EIF4G3: variants seen among roughly 807,000 people sequenced by gnomAD.
The protein encoded by EIF4G3 is eIF-4-gamma 3.
Under a neutral mutation model 186.4 loss-of-function variants are expected in EIF4G3, and 34 were observed. That is an observed-to-expected ratio of 0.18 (90% CI 0.14 to 0.24). The LOEUF (loss-of-function observed/expected upper bound fraction) is 0.24, where lower values mean the gene tolerates loss of function less well. Among genes scored for constraint, EIF4G3 ranks in the 10% least tolerant of loss-of-function variants. EIF4G3 has a pLI of 1.00. For missense variants in EIF4G3, 1,536 were observed against 1,948.5 expected, an observed-to-expected ratio of 0.79 and a Z score of 3.99; for synonymous variants, 673 against 679.5, an observed-to-expected ratio of 0.99 and a Z score of 0.15.
At position 21,170,003 on chromosome 1, in the gene EIF4G3, C is replaced by T. The variant is rs1011296982; in HGVS notation, c.-272+6172G>A. Among the ~76,000 whole-genome samples, 32 of 152,032 alleles carry T rather than the reference C, an allele frequency of 2.1e-4. 1 individual carries two copies. The highest frequency in any genetic ancestry group is 9.2e-4 in the Admixed American group (14 of 15,248). On this transcript the variant is annotated intron_variant, in intron 2 of 36. Transcript: ENST00000602326. The stretch of plus-strand genomic sequence containing the variant: ...CATCTTGACCAACATGGTGAAACCC[C>T]GCCTCTACTAAAAATACAAAAATTA...
intron 14 of EIF4G3, among the ~76,000 whole-genome samples, chr1:20,939,515 G>T (rs536705502): frequency 1.3e-5 from 2 of 152,154 alleles, no homozygotes; most frequent in South Asian, 4.1e-4. Flanking sequence ...GCAATATCAG[G>T]TCATCTAAGT....
At chr1:20,868,894 C>T (rs2078319197) in intron 20 of EIF4G3, among the ~76,000 whole-genome samples, 1 of 152,174 alleles carries the variant, frequency 6.6e-6, no homozygotes, top group African/African-American at 2.4e-5. Context: ...ACATACAGGT[C>T]ACTCAGCAAT....
chr1:21,131,964 T>C (rs529324990), intron 2 of EIF4G3, among the ~76,000 whole-genome samples: 1 of 151,526 alleles, frequency 6.6e-6, no homozygotes, highest in African/African-American at 2.4e-5. Context: ...AGTGAGACAC[T>C]GTCTCAAAAA....
At chr1:21,146,837 TC>T (rs1383661572) in intron 2 of EIF4G3, among the ~76,000 whole-genome samples, 1 of 152,126 alleles carries the variant, frequency 6.6e-6, no homozygotes, top group Non-Finnish European at 1.5e-5. Context: ...AAATTAATAG[TC>T]ACAAGGAGCT....
At chr1:21,114,228 C>A (rs377012079) in intron 2 of EIF4G3, among the ~76,000 whole-genome samples, 2 of 151,814 alleles carry the variant, frequency 1.3e-5, no homozygotes, top group Non-Finnish European at 2.9e-5. Flanking sequence ...CTCACTGAAA[C>A]CTCCGCCTCC....
At chr1:21,020,267 T>G (rs1351768386) in intron 4 of EIF4G3, among the ~76,000 whole-genome samples, 2 of 152,128 alleles carry the variant, frequency 1.3e-5, no homozygotes, top group African/African-American at 4.8e-5. Context: ...GTGAGAAGAT[T>G]GCTTGAGCTT....
At chr1:21,159,058 T>A in intron 2 of EIF4G3, among the ~76,000 whole-genome samples, 1 of 151,998 alleles carries the variant, frequency 6.6e-6, no homozygotes, top group East Asian at 1.9e-4. Context: ...TAAGAAGGAA[T>A]CCTTTCTAAC....
chr1:20,928,458 A>G (rs2095079929), intron 14 of EIF4G3, among the ~76,000 whole-genome samples: 1 of 152,108 alleles, frequency 6.6e-6, no homozygotes, highest in Non-Finnish European at 1.5e-5. Context: ...GCTGGAGTGC[A>G]GTGGTGTGAT....
At chr1:20,917,985 G>C (rs2094085610) in intron 14 of EIF4G3, among the ~76,000 whole-genome samples, 1 of 152,128 alleles carries the variant, frequency 6.6e-6, no homozygotes, top group Non-Finnish European at 1.5e-5. Flanking sequence ...CATCTAAGTA[G>C]TGGGATTCCA....
At chr1:20,970,422 G>C (rs2075624913) in intron 11 of EIF4G3, among the ~76,000 whole-genome samples, 1 of 150,778 alleles carries the variant, frequency 6.6e-6, no homozygotes, top group Admixed American at 6.6e-5. Context: ...GACCAGCCTG[G>C]CTAACACGAT....
intron 26 of EIF4G3, among the ~76,000 whole-genome samples, chr1:20,854,712 T>C (rs11811292): frequency 6.8e-6 from 1 of 147,958 alleles, no homozygotes; most frequent in Admixed American, 6.8e-5. Context: ...CTCAAAAATA[T>C]ATAAATAAAT....
At chr1:20,847,213 G>A (rs1000386480) in intron 29 of EIF4G3, among the ~76,000 whole-genome samples, 2 of 152,152 alleles carry the variant, frequency 1.3e-5, no homozygotes, top group African/African-American at 4.8e-5. Context: ...AGAATGTTAC[G>A]AGGACAATAC....
intron 12 of EIF4G3, among the ~76,000 whole-genome samples, chr1:20,959,218 C>A (rs1431406993): frequency 2.0e-5 from 3 of 151,964 alleles, no homozygotes; most frequent in Non-Finnish European, 4.4e-5. Flanking sequence ...GAATACAGAA[C>A]CCAGAAGTAA....
chr1:21,148,744 C>T (rs1573349912), intron 2 of EIF4G3, among the ~76,000 whole-genome samples: 1 of 150,882 alleles, frequency 6.6e-6, no homozygotes, highest in East Asian at 1.9e-4. Context: ...TCTGTAATCC[C>T]TGCAACTCGA....
Position 20,886,278 on chromosome 1 carries a change from T to G in EIF4G3, c.2347A>C (p.Lys783Gln), listed in dbSNP as rs2084114314. Residue 783 changes from lysine to glutamine, a missense_variant, in exon 19 of 37, where the codon AAA (lysine) becomes CAA (glutamine). By Grantham distance (53) the Lys-to-Gln change is moderately conservative. Around this residue, in one of 11 missense-constraint regions of EIF4G3, gnomAD observed 139 missense variants for 192.8 expected, o/e 0.72. Transcript: ENST00000602326. ...TVSVKEDVHL[K>Q]KAENAWKPSQ... ...GGCTTCCAGGCATTTTCTGCCTTTT[T>G]CAGGTGTACATCTTCTTTTACAGAA... is the stretch of plus-strand genomic sequence containing the variant. The G allele has an allele frequency of 6.2e-7, 1 of 1,614,032 alleles. No individual in the cohort carries two copies. The highest frequency in any genetic ancestry group is 8.5e-7 in the Non-Finnish European group (1 of 1,180,008).
At chr1:21,093,808 C>T (rs1303830657) in intron 2 of EIF4G3, among the ~76,000 whole-genome samples, 4 of 152,056 alleles carry the variant, frequency 2.6e-5, no homozygotes, top group African/African-American at 9.7e-5. Context: ...TTTGTAGGGA[C>T]ATGGATGAAG....
At chr1:21,051,143 A>G in intron 3 of EIF4G3, 149 bp from the exon 4 acceptor site, 1 of 564,184 alleles carries the variant, frequency 1.8e-6, no homozygotes, top group South Asian at 2.3e-5. Context: ...TAAAATTTTT[A>G]AAATTGAAAA....
intron 36 of EIF4G3, among the ~76,000 whole-genome samples, chr1:20,808,300 G>A (rs1245998195): frequency 3.9e-5 from 6 of 151,994 alleles, no homozygotes; most frequent in East Asian, 1.9e-4. Flanking sequence ...TATTTTCTGC[G>A]CTGCAAGTTT....
chr1:20,915,012 C>G (rs940437401), intron 14 of EIF4G3, among the ~76,000 whole-genome samples: 2 of 152,134 alleles, frequency 1.3e-5, no homozygotes, highest in Non-Finnish European at 2.9e-5. Context: ...CCAGTTATGT[C>G]GATTCCTTAT....
Sources: gnomAD v4.1 joint callset for allele counts (sites outside exome capture counted in the v4.1 genomes callset) on GRCh38, gnomAD v4.1.1 for gene constraint, gnomAD v4.1.1 regional missense constraint, MANE v1.5 for transcripts, NCBI Gene and HGNC (gene_info 2026-07-23, HGNC 2026-07-21) for gene names.